The following ZC3H3 variants were observed in gnomAD, a reference collection of about 807,000 sequenced individuals.
ZC3H3 encodes the protein zinc finger CCCH-type containing 3.
ZC3H3 carries 36 observed loss-of-function variants against 77.3 expected under a neutral mutation model. The observed-to-expected ratio is 0.47, with a 90% CI of 0.36 to 0.61. ZC3H3 has a LOEUF of 0.61. Ranked by LOEUF, ZC3H3 falls within the 20% of genes least tolerant of loss-of-function variation. The pLI is 0.00. For synonymous variants in ZC3H3, 626 were observed against 555.2 expected (o/e 1.13, Z -1.79); for missense variants, 1,331 against 1,312.2 (o/e 1.01, Z -0.22).
In ZC3H3 at chr8:143,444,864, C is replaced by G. The variant is rs569095537; in HGVS notation, c.2308-3744G>C. Among the ~76,000 whole-genome samples the G allele has an allele frequency of 9.2e-5, 14 of 152,172 alleles. No homozygotes were observed. The South Asian group carries it at 2.7e-3, about 29-fold the overall frequency. On this transcript the variant is annotated intron_variant, in intron 9 of 11. Coordinates refer to ENST00000262577, the MANE Select transcript of ZC3H3 (RefSeq NM_015117.3). The stretch of plus-strand genomic sequence containing the variant: ...GACAAGAAAAAGAAAGAAAACTTGT[C>G]TGGACTCAAAAGAAGAAAAAAAGTC...
At chr8:143,527,920 G>A (rs1822471083) in intron 3 of ZC3H3, among the ~76,000 whole-genome samples, 1 of 152,224 alleles carries the variant, frequency 6.6e-6, no homozygotes, top group Admixed American at 6.5e-5. Context: ...CGGGCAGACA[G>A]GGCCAAAGTC....
At chr8:143,467,067 A>G (rs954721421) in intron 8 of ZC3H3, among the ~76,000 whole-genome samples, 2 of 151,768 alleles carry the variant, frequency 1.3e-5, no homozygotes, top group Non-Finnish European at 2.9e-5. Context: ...GCGGGAGTTT[A>G]TTTCTAATTG....
chr8:143,489,258 C>T lies in ZC3H3; in HGVS notation c.1716-13673G>A, dbSNP rs561104522. ...TAACTGAATCCTATCCTTGCTCTGC[C>T]ACTCTCCATGACTGCTAGTACCCAC... On this transcript the variant is annotated intron_variant, in intron 4 of 11. Transcript: ENST00000262577. Among the ~76,000 whole-genome samples, 425 of 152,234 alleles carry T rather than the reference C, an allele frequency of 2.8e-3. 2 individuals are homozygous for T. Among genetic ancestry groups the T allele is most frequent in the African/African-American group, 9.7e-3 (405 of 41,556 alleles).
chr8:143,475,349 C>T (rs377139844), intron 5 of ZC3H3, 49 bp downstream of exon 5: 35 of 1,576,118 alleles, frequency 2.2e-5, no homozygotes, highest in Admixed American at 1.4e-4. Flanking sequence ...GCCCACCACA[C>T]GCTAGCCGGT....
intron 9 of ZC3H3, among the ~76,000 whole-genome samples, chr8:143,446,112 T>C: frequency 6.6e-6 from 1 of 152,084 alleles, no homozygotes; most frequent in East Asian, 1.9e-4. Context: ...AATGGGCTTT[T>C]CGAGGCCAGG....
Position 143,485,087 on chromosome 8 carries a change from G to A in ZC3H3, c.1716-9502C>T, listed in dbSNP as rs529065833. 5.0e-4 allele frequency: 137 copies of A among 275,558 alleles called. 2 individuals are homozygous for A. The highest frequency in any genetic ancestry group is 4.2e-3 in the South Asian group (135 of 32,384). 17.1% of individuals were successfully genotyped at this position (275,558 alleles called of 1,614,324 possible). On this transcript the variant is annotated intron_variant, in intron 4 of 11. Coordinates refer to ENST00000262577, the MANE Select transcript of ZC3H3 (RefSeq NM_015117.3). ...CACCAGTTGGAACATACAAAGAAGA[G>A]AAGCCAGAAACACTCTCAAATAACT...
In ZC3H3 at chr8:143,522,741, A is replaced by G. The variant is rs557255826; in HGVS notation, c.1561+13516T>C. 1.2e-4 allele frequency among the ~76,000 whole-genome samples: 18 copies of G among 152,308 alleles called. No homozygotes were observed. The South Asian group carries it at 3.7e-3, about 32-fold the overall frequency. On this transcript the variant is annotated intron_variant, in intron 3 of 11. Transcript: ENST00000262577. The stretch of plus-strand genomic sequence containing the variant: ...GGAGACCAGCTTGGGCAACATGGTG[A>G]GACCCTGTCTCTACAAAAAAAAGAA...
rs1207888902 is a variant in ZC3H3, at chr8:143,475,486, T to C, written c.1815A>G (p.Gly605=). Residue 605 remains glycine (G), a synonymous_variant, in exon 5 of 12, where the codon GGA becomes GGG. Coordinates refer to ENST00000262577, the MANE Select transcript of ZC3H3 (RefSeq NM_015117.3). ...TGGCAGATACTTTGTAGAGGACCCC[T>C]CCGATGCAGCGGTAGCCTTTGCTCC... The part of the protein sequence containing the change: ...WWRSKGYRCI[G]GVLYKVSANK... The C allele has an allele frequency of 6.2e-7, 1 of 1,612,956 alleles. No homozygotes were observed. Among genetic ancestry groups the C allele is most frequent in the Non-Finnish European group, 8.5e-7 (1 of 1,179,946 alleles).
chr8:143,468,588 C>A (rs1359503491), intron 6 of ZC3H3, 29 bp downstream of exon 6: 1 of 1,582,258 alleles, frequency 6.3e-7, no homozygotes, highest in Non-Finnish European at 8.6e-7. Flanking sequence ...AGCAGGGAGC[C>A]CACCCACTGC....
At chr8:143,450,369 T>C (rs1819957504) in intron 9 of ZC3H3, among the ~76,000 whole-genome samples, 1 of 152,160 alleles carries the variant, frequency 6.6e-6, no homozygotes, top group Non-Finnish European at 1.5e-5. Context: ...TCAGTAGAGA[T>C]GGGGTTTGGC....
chr8:143,510,090 G>A (rs1188431961), intron 3 of ZC3H3, among the ~76,000 whole-genome samples: 2 of 152,210 alleles, frequency 1.3e-5, no homozygotes, highest in African/African-American at 2.4e-5. Context: ...TGCTGGCAGT[G>A]GTCAGGTCAG....
At chr8:143,472,611 C>T (rs941928488) in intron 5 of ZC3H3, among the ~76,000 whole-genome samples, 13 of 152,220 alleles carry the variant, frequency 8.5e-5, no homozygotes, top group Admixed American at 3.9e-4. Context: ...CTGCTGCCTG[C>T]CACAGGCGTC....
chr8:143,498,050 G>A (rs1821402639), intron 4 of ZC3H3, among the ~76,000 whole-genome samples: 1 of 152,196 alleles, frequency 6.6e-6, no homozygotes, highest in South Asian at 2.1e-4. Flanking sequence ...ACACACACCG[G>A]GTGAGCGAAT....
In ZC3H3 at chr8:143,533,763, C is replaced by T. The variant is rs1353086005; in HGVS notation, c.1561+2494G>A. 1.3e-5 allele frequency among the ~76,000 whole-genome samples: 2 copies of T among 151,436 alleles called. No individual in the cohort carries two copies. The highest frequency in any genetic ancestry group is 4.9e-5 in the African/African-American group (2 of 41,132). ...GTACAATGGCACGATCTAACCTCTGCCTCCTGGGTTCAAGTGATTCTCCTG... is the reference window on the plus strand; with the variant it reads ...GTACAATGGCACGATCTAACCTCTGTCTCCTGGGTTCAAGTGATTCTCCTG... On this transcript the variant is annotated intron_variant, in intron 3 of 11. Transcript: ENST00000262577. This position sits in a 1 kb window ranked among gnomAD's most constrained non-coding sequence, Gnocchi z 4.0.
chr8:143,527,972 C>T (rs1023789713), intron 3 of ZC3H3, among the ~76,000 whole-genome samples: 1 of 152,252 alleles, frequency 6.6e-6, no homozygotes, highest in Admixed American at 6.5e-5. Flanking sequence ...GGGCTCATAA[C>T]CCTGCCTCCT....
In ZC3H3 at chr8:143,527,399, T is replaced by G. The variant is rs890197905; in HGVS notation, c.1561+8858A>C. Among the ~76,000 whole-genome samples the G allele has an allele frequency of 3.3e-5, 5 of 152,062 alleles. No homozygotes were observed. In the South Asian group the frequency reaches 6.2e-4, roughly 19 times the overall value. ...GTCCTACGGTGGTATGAGTTCTGGC[T>G]CTCCTGAGAACGCCACCCTGCCTGC... On this transcript the variant is annotated intron_variant, in intron 3 of 11. Transcript: ENST00000262577.
At chr8:143,540,918 C>T (rs1300523731) in intron 1 of ZC3H3, among the ~76,000 whole-genome samples, 1 of 151,746 alleles carries the variant, frequency 6.6e-6, no homozygotes, top group African/African-American at 2.4e-5. Flanking sequence ...ATCGCGTCAC[C>T]GCACCCCAGC....
At chr8:143,456,376 T>C (rs1820123376) in intron 9 of ZC3H3, among the ~76,000 whole-genome samples, 1 of 152,312 alleles carries the variant, frequency 6.6e-6, no homozygotes, top group African/African-American at 2.4e-5. Context: ...GAGTGAATTT[T>C]AAAACATGAT....
At chr8:143,499,492 G>C (rs1821460505) in intron 4 of ZC3H3, among the ~76,000 whole-genome samples, 1 of 152,150 alleles carries the variant, frequency 6.6e-6, no homozygotes, top group South Asian at 2.1e-4. Context: ...AAACACAGTG[G>C]GTGCATCTCT....
Sources: gnomAD v4.1 joint callset for allele counts (sites outside exome capture counted in the v4.1 genomes callset) on GRCh38, gnomAD v4.1.1 for gene constraint, Gnocchi (gnomAD v3.1) non-coding constraint, MANE v1.5 for transcripts, NCBI Gene and HGNC (gene_info 2026-07-23, HGNC 2026-07-21) for gene names.